Variants in TTLL2 observed in about 807,000 individuals in gnomAD.
The protein encoded by TTLL2 is probable tubulin polyglutamylase TTLL2.
Under a neutral mutation model 7.5 loss-of-function variants are expected in TTLL2, and 10 were observed. The ratio of observed to expected loss-of-function variants is 1.33; its 90% CI spans 0.82 to 2.25. The LOEUF is 2.25. Ranked by LOEUF, TTLL2 falls within the 30% of genes most tolerant of loss-of-function variation. The probability of loss-of-function intolerance (pLI) is 0.00; values close to 1 mark genes in which losing one functional copy is unlikely to be tolerated. For missense variants in TTLL2, 733 were observed against 735.7 expected (o/e 1.00, Z 0.04); for synonymous variants, 284 against 280.3 (o/e 1.01, Z -0.13).
intron 1 of TTLL2, among the ~76,000 whole-genome samples, chr6:167,338,087 AAC>A (rs1175223413): frequency 6.6e-6 from 1 of 151,642 alleles, no homozygotes; most frequent in African/African-American, 2.4e-5. Context: ...GCACAAACAA[AAC>A]ACACACCACA....
rs1042873590 is a variant in TTLL2 at position 167,325,108 on chromosome 6, C to T, written c.-66C>T. The T allele has an allele frequency of 1.1e-5, 17 of 1,521,390 alleles. No individual in the cohort carries two copies. The African/African-American group carries it at 1.8e-4, about 16-fold the overall frequency. The allele number at this position is 1,521,390 out of a possible 1,614,324, so 94.2% of individuals were successfully genotyped here. A position where few individuals can be genotyped will look rare whatever the true frequency, so the allele number is the denominator to read the frequency against. On this transcript the variant is annotated 5_prime_UTR_variant, in exon 1 of 3. Coordinates refer to ENST00000239587, the MANE Select transcript of TTLL2 (RefSeq NM_031949.5). ...ACCAGTGCTCCCTCCAGCCTCCGCG[C>T]ATTTCAGCTGGCGCTGCAGCTGCTG... is the stretch of plus-strand genomic sequence containing the variant.
At position 167,329,740 on chromosome 6, in the gene TTLL2, C is replaced by T. The variant is rs186256140; in HGVS notation, c.47+4520C>T. On this transcript the variant is annotated intron_variant, in intron 1 of 2. Coordinates refer to ENST00000239587, the MANE Select transcript of TTLL2 (RefSeq NM_031949.5). ...CCTTCAGGGCCTAGCCAGGACCCAG[C>T]CTCTGCAATCAAGTGCCCCAGACCC... Among the ~76,000 whole-genome samples, 82 of 152,224 alleles carry T rather than the reference C, an allele frequency of 5.4e-4. No homozygotes were observed. In the South Asian group the frequency reaches 5.8e-3, roughly 11 times the overall value.
At chr6:167,330,269 A>G (rs1022505891) in intron 1 of TTLL2, among the ~76,000 whole-genome samples, 8 of 152,312 alleles carry the variant, frequency 5.3e-5, no homozygotes, top group Admixed American at 4.6e-4. Context: ...AATAAAAACA[A>G]TGTACTGGCC....
At position 167,340,764 on chromosome 6, in the gene TTLL2, T is replaced by C. The variant is rs1403860280; in HGVS notation, c.864T>C (p.Ser288=). The change falls in exon 3 of 3, where the codon AGT becomes AGC. Residue 288 remains serine, a synonymous_variant. Transcript: ENST00000239587. The stretch of plus-strand genomic sequence containing the variant: ...TTGCCACGGAAAAGTTTGACCTCAG[T>C]AATTTGCAAAACAATTATGCCCATT... The part of the protein sequence containing the change: ...VRFATEKFDL[S]NLQNNYAHLT... The C allele has an allele frequency of 2.5e-6, 4 of 1,614,224 alleles. No individual in the cohort carries two copies. Among genetic ancestry groups the C allele is most frequent in the Non-Finnish European group, 2.5e-6 (3 of 1,180,040 alleles).
intron 2 of TTLL2, among the ~76,000 whole-genome samples, chr6:167,339,207 G>A (rs969869558): frequency 1.6e-4 from 25 of 151,996 alleles, no homozygotes; most frequent in African/African-American, 5.3e-4. Flanking sequence ...AATTTTGCAC[G>A]AACAATACAA....
In TTLL2 at chr6:167,341,275, TC is replaced by T. The variant is rs764701257; in HGVS notation, c.1376del (p.Ser459CysfsTer18). On this transcript the variant is annotated frameshift_variant, in exon 3 of 3. Coordinates refer to ENST00000239587, the MANE Select transcript of TTLL2 (RefSeq NM_031949.5). LOFTEE classifies it low-confidence loss of function (END_TRUNC). ...TGACTGTCTTCCTTATGATTCTCTT[TC>T]GTTCACAAGCAGAATGTACAACGAG... is the stretch of plus-strand genomic sequence containing the variant. ...APDCLPYDSL[S>X]FTSRMYNEDD... 6.2e-6 allele frequency: 10 copies of T among 1,613,482 alleles called. No individual in the cohort carries two copies. In the Admixed American group the frequency reaches 1.5e-4, roughly 24 times the overall value.
chr6:167,331,712 AT>A (rs1185918512), intron 1 of TTLL2, among the ~76,000 whole-genome samples: 1 of 152,134 alleles, frequency 6.6e-6, no homozygotes, highest in African/African-American at 2.4e-5. Context: ...ACTTAGGAGT[AT>A]GCACCTGTAA....
rs984240930 is a variant in TTLL2 at position 167,340,697 on chromosome 6, A to G, written c.797A>G (p.Lys266Arg). Residue 266 changes from lysine to arginine, a missense_variant, in exon 3 of 3, where the codon AAG (lysine) becomes AGG (arginine). Lys to Arg is a conservative substitution (Grantham distance 26). Coordinates refer to ENST00000239587, the MANE Select transcript of TTLL2 (RefSeq NM_031949.5). ...LRIYVCVTGF[K>R]PLTIYVYQEG... ...ATCTATGTTTGTGTTACTGGCTTTA[A>G]GCCTTTGACCATTTATGTTTATCAG... is the stretch of plus-strand genomic sequence containing the variant. The G allele has an allele frequency of 6.2e-7, 1 of 1,614,196 alleles. No individual in the cohort carries two copies.
At position 167,341,561 on chromosome 6, in the gene TTLL2, G is replaced by A. The variant is rs1465054364; in HGVS notation, c.1661G>A (p.Gly554Asp). ...GGCAAAGCTCCAGATCCCCAAGCAG[G>A]CAACTTTGTTCTTGTTTTTCCTTTC... is the stretch of plus-strand genomic sequence containing the variant. The part of the protein sequence containing the change: ...DRGKAPDPQA[G>D]NFVLVFPFNE... The change falls in exon 3 of 3, where the codon GGC becomes GAC. Residue 554 changes from glycine (G) to aspartate (D), a missense_variant. By Grantham distance (94) the Gly-to-Asp change is moderately conservative. Transcript: ENST00000239587. 6.2e-7 allele frequency: 1 copy of A among 1,614,180 alleles called. No individual in the cohort carries two copies. The highest frequency in any genetic ancestry group is 1.7e-5 in the Admixed American group (1 of 60,026).
intron 1 of TTLL2, among the ~76,000 whole-genome samples, 186 bp from the exon 2 acceptor site, chr6:167,338,455 TCACACA>T (rs3841397): frequency 6.7e-6 from 1 of 150,218 alleles, no homozygotes; most frequent in African/African-American, 2.5e-5. Context: ...CACAACATAG[TCACACA>T]CACACACACA....
At chr6:167,338,002 C>A (rs1022529140) in intron 1 of TTLL2, among the ~76,000 whole-genome samples, 3 of 151,546 alleles carry the variant, frequency 2.0e-5, no homozygotes, top group African/African-American at 7.3e-5. Context: ...ATATACACAG[C>A]AGACATACAC....
At chr6:167,335,642 T>TA (rs1459625188) in intron 1 of TTLL2, among the ~76,000 whole-genome samples, 2 of 151,266 alleles carry the variant, frequency 1.3e-5, no homozygotes, top group Non-Finnish European at 2.9e-5. Flanking sequence ...TATGCAGCCA[T>TA]AAAAAATGAT....
Position 167,338,706 on chromosome 6 carries a change from CTG to C in TTLL2, c.108_109del (p.Glu37AlafsTer41). 2 of 1,614,166 alleles carry C rather than the reference CTG, an allele frequency of 1.2e-6. No homozygotes were observed. The highest frequency in any genetic ancestry group is 1.7e-6 in the Non-Finnish European group (2 of 1,180,000). On this transcript the variant is annotated frameshift_variant, in exon 2 of 3. Transcript: ENST00000239587. LOFTEE classifies it high-confidence loss of function. Reference sequence around the variant, plus strand: ...AACATTCCATCCGAGGCAAACCACACTGAGCAGCCGCCTGCAGGCCTGGGAGC... The same window carrying C: ...AACATTCCATCCGAGGCAAACCACACAGCAGCCGCCTGCAGGCCTGGGAGC...
Position 167,341,575 on chromosome 6 carries a change from G to A in TTLL2, c.1675G>A (p.Val559Ile), listed in dbSNP as rs34931196. ...PDPQAGNFVLVFPFNEATLGA... is the reference protein window; with the variant it reads ...PDPQAGNFVLIFPFNEATLGA... ...TCCCCAAGCAGGCAACTTTGTTCTTGTTTTTCCTTTCAATGAAGCAACTCT... is the reference window on the plus strand; with the variant it reads ...TCCCCAAGCAGGCAACTTTGTTCTTATTTTTCCTTTCAATGAAGCAACTCT... Residue 559 changes from valine (V) to isoleucine (I), a missense_variant, in exon 3 of 3, where the codon GTT becomes ATT. By Grantham distance (29) the Val-to-Ile change is conservative. Transcript: ENST00000239587. 4.5e-3 allele frequency: 7,342 copies of A among 1,614,132 alleles called. 316 individuals carry two copies. The African/African-American group carries it at 0.083, about 18-fold the overall frequency.
chr6:167,335,341 G>A (rs1262698129), intron 1 of TTLL2, among the ~76,000 whole-genome samples: 4 of 151,230 alleles, frequency 2.6e-5, no homozygotes, highest in East Asian at 1.9e-4. Flanking sequence ...GAGAGGATGC[G>A]GAGAAATAGG....
At chr6:167,330,074 A>G (rs897139370) in intron 1 of TTLL2, among the ~76,000 whole-genome samples, 2 of 152,200 alleles carry the variant, frequency 1.3e-5, no homozygotes, top group Non-Finnish European at 2.9e-5. Context: ...TTTCACTGAG[A>G]GTAGATATTC....
intron 1 of TTLL2, among the ~76,000 whole-genome samples, 188 bp from the exon 2 acceptor site, chr6:167,338,455 TCACA>T (rs3841397): frequency 2.9e-4 from 43 of 150,254 alleles, no homozygotes; most frequent in Non-Finnish European, 2.1e-4. Context: ...CACAACATAG[TCACA>T]CACACACACA....
At position 167,340,265 on chromosome 6, in the gene TTLL2, A is replaced by ACCT; in HGVS notation, c.366_368dup (p.Leu123dup). The ACCT allele has an allele frequency of 6.2e-7, 1 of 1,614,078 alleles. No homozygotes were observed. Among genetic ancestry groups the ACCT allele is most frequent in the Non-Finnish European group, 8.5e-7 (1 of 1,180,006 alleles). On this transcript the variant is annotated inframe_insertion, in exon 3 of 3. Transcript: ENST00000239587. ...CAGGAGCAGAACGCGGAGGACTGGAACCTGTACTGGAGGACATCCTCTTTC... is the reference window on the plus strand; with the variant it reads ...CAGGAGCAGAACGCGGAGGACTGGAACCTCCTGTACTGGAGGACATCCTCTTTC...
At position 167,328,164 on chromosome 6, in the gene TTLL2, C is replaced by A. The variant is rs1778871314; in HGVS notation, c.47+2944C>A. 1.1e-5 allele frequency: 5 copies of A among 455,754 alleles called. 1 individual carries two copies. Among genetic ancestry groups the A allele is most frequent in the South Asian group, 3.1e-5 (2 of 64,508 alleles). 28.2% of individuals were successfully genotyped at this position (455,754 alleles called of 1,614,324 possible). A position where few individuals can be genotyped will look rare whatever the true frequency, so the allele number is the denominator to read the frequency against. On this transcript the variant is annotated intron_variant, in intron 1 of 2. Transcript: ENST00000239587. ...AAGACTCTTAGTTATTTTTGCAGAG[C>A]CTGTCTTGGATGGAAGAAAGCACCA...
Sources: gnomAD v4.1 joint callset for allele counts (sites outside exome capture counted in the v4.1 genomes callset) on GRCh38, gnomAD v4.1.1 for gene constraint, MANE v1.5 for transcripts, NCBI Gene and HGNC (gene_info 2026-07-23, HGNC 2026-07-21) for gene names.